BUB1B: variants seen among roughly 807,000 people sequenced by gnomAD.
The protein encoded by BUB1B is BUB1 mitotic checkpoint serine/threonine kinase B, also known as mitotic checkpoint serine/threonine-protein kinase BUB1 beta.
In BUB1B, 86 loss-of-function variants were observed where a neutral mutation model predicts 137.7. That is an observed-to-expected ratio of 0.62 (90% CI 0.52 to 0.75). The LOEUF is 0.75. BUB1B is among the 30% of genes least tolerant of loss of function. BUB1B has a pLI of 0.00. For synonymous variants in BUB1B, 420 were observed against 417.9 expected (o/e 1.00, Z -0.06); for missense variants, 1,130 against 1,236.9 (o/e 0.91, Z 1.30).
chr15:40,212,947 C>T (rs1177040440), intron 19 of BUB1B, among the ~76,000 whole-genome samples: 1 of 151,990 alleles, frequency 6.6e-6, no homozygotes, highest in Non-Finnish European at 1.5e-5. Flanking sequence ...CTATACTACC[C>T]CCACTGGATA....
chr15:40,205,242 C>T (rs548899626), intron 14 of BUB1B, among the ~76,000 whole-genome samples: 7 of 152,208 alleles, frequency 4.6e-5, no homozygotes, highest in African/African-American at 1.4e-4. Context: ...CCACTGCACC[C>T]GGCCTATAAT....
intron 2 of BUB1B, among the ~76,000 whole-genome samples, chr15:40,167,886 A>G (rs560660874): frequency 6.6e-6 from 1 of 152,178 alleles, no homozygotes; most frequent in Admixed American, 6.5e-5. Context: ...TCCATTGATC[A>G]AATTGTCTGT....
intron 19 of BUB1B, among the ~76,000 whole-genome samples, chr15:40,213,093 C>T (rs2037734766): frequency 6.6e-6 from 1 of 152,096 alleles, no homozygotes; most frequent in South Asian, 2.1e-4. Flanking sequence ...TTATTAAGTA[C>T]CTATTTTGGG....
chr15:40,173,980 T>A (rs2037195257), intron 4 of BUB1B: 4 of 433,990 alleles, frequency 9.2e-6, no homozygotes, highest in Non-Finnish European at 1.4e-5. Context: ...TATTTAAAGG[T>A]ATAAAATTAT....
intron 4 of BUB1B, among the ~76,000 whole-genome samples, chr15:40,172,023 A>C (rs1288413210): frequency 6.6e-6 from 1 of 152,018 alleles, no homozygotes; most frequent in Non-Finnish European, 1.5e-5. Flanking sequence ...TCTTACTAAA[A>C]TAAATCTCTT....
intron 1 of BUB1B, among the ~76,000 whole-genome samples, chr15:40,164,489 A>C (rs772360621): frequency 2.0e-5 from 3 of 152,026 alleles, no homozygotes; most frequent in African/African-American, 2.4e-5. Context: ...CAGCCTCCCA[A>C]AGTGGTAGGA....
intron 4 of BUB1B, 146 bp downstream of exon 4, chr15:40,170,827 C>A: frequency 2.4e-6 from 2 of 816,616 alleles, no homozygotes; most frequent in Non-Finnish European, 3.9e-6. Flanking sequence ...TGCAATACTT[C>A]TTAAATTGGT....
rs373789523 is a variant in BUB1B at position 40,206,422 on chromosome 15, C to T, written c.1973C>T (p.Thr658Ile). The T allele has an allele frequency of 2.8e-5, 45 of 1,614,066 alleles. No individual in the cohort carries two copies. The highest frequency in any genetic ancestry group is 3.6e-5 in the Non-Finnish European group (42 of 1,180,042). Residue 658 changes from threonine (T) to isoleucine (I), a missense_variant, in exon 15 of 23, where the codon ACT becomes ATT. By Grantham distance (89) the Thr-to-Ile change is moderately conservative. Coordinates refer to ENST00000287598, the MANE Select transcript of BUB1B (RefSeq NM_001211.6). ...GAGGACCAGCAGACAGCTTGTGGCA[C>T]TATCTACAGTCAGACTCTCAGCATC... ...TSEDQQTACG[T>I]IYSQTLSIKK...
intron 2 of BUB1B, among the ~76,000 whole-genome samples, chr15:40,168,885 T>C (rs2037130297): frequency 1.3e-5 from 2 of 152,226 alleles, no homozygotes; most frequent in African/African-American, 2.4e-5. Context: ...TCTTTCAGAG[T>C]CTCACCTTCT....
At chr15:40,207,587 G>A (rs951816771) in intron 15 of BUB1B, among the ~76,000 whole-genome samples, 2 of 152,162 alleles carry the variant, frequency 1.3e-5, no homozygotes, top group African/African-American at 4.8e-5. Flanking sequence ...GGAAGAAAGT[G>A]TCAATGTTAG....
intron 14 of BUB1B, 134 bp downstream of exon 14, chr15:40,202,828 A>C (rs764872539): frequency 2.7e-5 from 21 of 787,298 alleles, no homozygotes; most frequent in Non-Finnish European, 4.2e-5. Context: ...ATTACTACTC[A>C]ACAGGGAAAT....
intron 6 of BUB1B, among the ~76,000 whole-genome samples, chr15:40,184,929 G>A (rs1436887042): frequency 6.6e-6 from 1 of 152,150 alleles, no homozygotes; most frequent in Non-Finnish European, 1.5e-5. Flanking sequence ...GTGAATAAAA[G>A]ATGTGGGGTG....
chr15:40,212,039 T>TG (rs1376379600), intron 18 of BUB1B, among the ~76,000 whole-genome samples: 1 of 152,218 alleles, frequency 6.6e-6, no homozygotes, highest in Admixed American at 6.5e-5. Context: ...TCATAATCAT[T>TG]GGTCAGGCTG....
At position 40,212,776 on chromosome 15, in the gene BUB1B, A is replaced by C. The variant is rs139483076; in HGVS notation, c.2535+128A>C. ...TAGACCAATTCAAGTATAAGTTAGA[A>C]GCATTGATAATTTTCTCGTTATTTT... On this transcript the variant is annotated intron_variant, in intron 19 of 22. Coordinates refer to ENST00000287598, the MANE Select transcript of BUB1B (RefSeq NM_001211.6). 4,061 of 886,426 alleles carry C rather than the reference A, an allele frequency of 4.6e-3. 33 individuals are homozygous for C. The highest frequency in any genetic ancestry group is 0.014 in the South Asian group (856 of 61,586). 54.9% of individuals were successfully genotyped at this position (886,426 alleles called of 1,614,324 possible).
chr15:40,190,038 A>G (rs1034449367), intron 8 of BUB1B, among the ~76,000 whole-genome samples: 1 of 152,024 alleles, frequency 6.6e-6, no homozygotes, highest in Non-Finnish European at 1.5e-5. Context: ...TCCTTGGCCT[A>G]TTTTTCCTTT....
intron 5 of BUB1B, among the ~76,000 whole-genome samples, chr15:40,183,476 T>C (rs924662205): frequency 1.3e-5 from 2 of 152,218 alleles, no homozygotes; most frequent in African/African-American, 4.8e-5. Flanking sequence ...ATTTTCAGAA[T>C]AATTTAAATT....
chr15:40,195,581 G>A (rs922733017), intron 8 of BUB1B, among the ~76,000 whole-genome samples: 1 of 152,112 alleles, frequency 6.6e-6, no homozygotes, highest in East Asian at 1.9e-4. Flanking sequence ...GTGGTTGTAC[G>A]AGTTTACATT....
intron 5 of BUB1B, among the ~76,000 whole-genome samples, chr15:40,179,537 C>A (rs978395788): frequency 1.3e-4 from 20 of 152,048 alleles, no homozygotes; most frequent in African/African-American, 4.6e-4. Flanking sequence ...TTATACACAG[C>A]AAATAGTTGG....
At chr15:40,164,352 T>A (rs977385618) in intron 1 of BUB1B, among the ~76,000 whole-genome samples, 1 of 152,014 alleles carries the variant, frequency 6.6e-6, no homozygotes, top group Non-Finnish European at 1.5e-5. Flanking sequence ...CTCAGTCTTC[T>A]AAGTAGCCAC....
Sources: gnomAD v4.1 joint callset for allele counts (sites outside exome capture counted in the v4.1 genomes callset) on GRCh38, gnomAD v4.1.1 for gene constraint, MANE v1.5 for transcripts, NCBI Gene and HGNC (gene_info 2026-07-23, HGNC 2026-07-21) for gene names.